ENHO: variants seen among roughly 807,000 people sequenced by gnomAD.
The protein encoded by ENHO is adropin.
A neutral mutation model predicts 4.1 loss-of-function variants in ENHO; 5 were observed. The observed-to-expected ratio is 1.23, with a 90% CI of 0.64 to 2.58. The LOEUF (loss-of-function observed/expected upper bound fraction) is 2.58, where lower values mean the gene tolerates loss of function less well. Ranked by LOEUF, ENHO falls within the 30% of genes most tolerant of loss-of-function variation. The pLI is 0.01. For synonymous variants in ENHO, 45 were observed against 42.9 expected, an observed-to-expected ratio of 1.05 and a Z score of -0.19; for missense variants, 86 against 97.7, an observed-to-expected ratio of 0.88 and a Z score of 0.51.
chr9:34,521,428 G>A lies in ENHO; in HGVS notation c.*37C>T, dbSNP rs755174552. On this transcript the variant is annotated 3_prime_UTR_variant, in exon 2 of 2. Transcript: ENST00000399775. ...CTAATTCCAGGCTCTAGGTGAGGTG[G>A]ACTTAGGTCCTGGGCTCCAGGCTAG... The A allele has an allele frequency of 6.4e-7, 1 of 1,568,502 alleles. No homozygotes were observed. The highest frequency in any genetic ancestry group is 8.7e-7 in the Non-Finnish European group (1 of 1,144,348).
chr9:34,522,017 C>A lies in ENHO; in HGVS notation c.-161-161G>T, dbSNP rs890560617. On this transcript the variant is annotated intron_variant, in intron 1 of 1. Coordinates refer to ENST00000399775, the MANE Select transcript of ENHO (RefSeq NM_198573.3). The surrounding 1 kb of genome is among the most constrained non-coding windows in gnomAD (Gnocchi z 4.2). ...GCTCGAATACCCCACAGAGCCATCA[C>A]CCCCATCCACAGGCTTGGTTCTGGC... 6.6e-6 allele frequency among the ~76,000 whole-genome samples: 1 copy of A among 152,186 alleles called. No homozygotes were observed. The highest frequency in any genetic ancestry group is 2.4e-5 in the African/African-American group (1 of 41,446).
chr9:34,522,637 C>T lies in ENHO; in HGVS notation c.-162+140G>A, dbSNP rs1197459269. 1 of 153,124 alleles carries T rather than the reference C, an allele frequency of 6.5e-6. No homozygotes were observed. Among genetic ancestry groups the T allele is most frequent in the Non-Finnish European group, 1.5e-5 (1 of 68,346 alleles). The allele number at this position is 153,124 out of a possible 1,614,324, so 9.5% of individuals were successfully genotyped here. On this transcript the variant is annotated intron_variant, in intron 1 of 1. Coordinates refer to ENST00000399775, the MANE Select transcript of ENHO (RefSeq NM_198573.3). This position sits in a 1 kb window ranked among gnomAD's most constrained non-coding sequence, Gnocchi z 4.2. ...CATGGACGTGTCCCTATCCCCTTCT[C>T]CGTGGGGTCTTTTCGGTGGTTCCTG...
In ENHO at chr9:34,521,609, G is replaced by A; in HGVS notation, c.87C>T (p.Ile29=). ...AGCGAGAATGGCAGGCCCAGCAGAG[G>A]ATGACCCAGAGCAGCAGCAGCAAGA... is the stretch of plus-strand genomic sequence containing the variant. ...VGFLLLLLWV[I]LCWACHSRSA... is the part of the protein sequence containing the mutation. The change falls in exon 2 of 2, where the codon ATC becomes ATT. Residue 29 remains isoleucine (I), a synonymous_variant. Coordinates refer to ENST00000399775, the MANE Select transcript of ENHO (RefSeq NM_198573.3). 1 of 1,614,008 alleles carries A rather than the reference G, an allele frequency of 6.2e-7. No individual in the cohort carries two copies. Among genetic ancestry groups the A allele is most frequent in the Non-Finnish European group, 8.5e-7 (1 of 1,180,028 alleles).
rs376637589 is a variant in ENHO, at chr9:34,521,791, G to A, written c.-96C>T. The A allele has an allele frequency of 4.3e-5, 48 of 1,110,598 alleles. No homozygotes were observed. In the Admixed American group the frequency reaches 7.7e-4, roughly 18 times the overall value. The allele number at this position is 1,110,598 out of a possible 1,614,324, so 68.8% of individuals were successfully genotyped here. A position where few individuals can be genotyped will look rare whatever the true frequency, so the allele number is the denominator to read the frequency against. ...ACTCTGGTATGGCCGGCCTTCAGAG[G>A]AGGCTGTGCTGTCTGCACGCTCAGT... On this transcript the variant is annotated 5_prime_UTR_variant, in exon 2 of 2. Transcript: ENST00000399775.
At position 34,521,052 on chromosome 9, in the gene ENHO, A is replaced by C; in HGVS notation, c.*413T>G. Reference sequence around the variant, plus strand: ...GAAGAAAACCTCAGGGTAGAGCCATAGTTCCATTTATTATCCAGCAAACAC... The same window carrying C: ...GAAGAAAACCTCAGGGTAGAGCCATCGTTCCATTTATTATCCAGCAAACAC... On this transcript the variant is annotated 3_prime_UTR_variant, in exon 2 of 2. Coordinates refer to ENST00000399775, the MANE Select transcript of ENHO (RefSeq NM_198573.3). The C allele has an allele frequency of 1.9e-6, 1 of 536,670 alleles. No individual in the cohort carries two copies. The highest frequency in any genetic ancestry group is 3.4e-6 in the Non-Finnish European group (1 of 297,636). The allele number at this position is 536,670 out of a possible 1,614,324, so 33.2% of individuals were successfully genotyped here. A position where few individuals can be genotyped will look rare whatever the true frequency, so the allele number is the denominator to read the frequency against.
In ENHO at chr9:34,521,796, T is replaced by C; in HGVS notation, c.-101A>G. 9.9e-7 allele frequency: 1 copy of C among 1,005,292 alleles called. No individual in the cohort carries two copies. Among genetic ancestry groups the C allele is most frequent in the Non-Finnish European group, 1.5e-6 (1 of 665,850 alleles). The allele number at this position is 1,005,292 out of a possible 1,614,324, so 62.3% of individuals were successfully genotyped here. ...GGTATGGCCGGCCTTCAGAGGAGGC[T>C]GTGCTGTCTGCACGCTCAGTGATTC... is the stretch of plus-strand genomic sequence containing the variant. On this transcript the variant is annotated 5_prime_UTR_variant, in exon 2 of 2. Transcript: ENST00000399775.
chr9:34,521,359 G>T lies in ENHO; in HGVS notation c.*106C>A, dbSNP rs566352810. On this transcript the variant is annotated 3_prime_UTR_variant, in exon 2 of 2. Coordinates refer to ENST00000399775, the MANE Select transcript of ENHO (RefSeq NM_198573.3). ...CCGCTGGGTCCAGCTCCAAGCAGGC[G>T]GACTCTTGAGTTCTGGACCCCAGGC... is the stretch of plus-strand genomic sequence containing the variant. 2.8e-5 allele frequency: 30 copies of T among 1,065,590 alleles called. No homozygotes were observed. In the African/African-American group the frequency reaches 3.6e-4, roughly 13 times the overall value. 66.0% of individuals were successfully genotyped at this position (1,065,590 alleles called of 1,614,324 possible).
chr9:34,521,440 G>T lies in ENHO; in HGVS notation c.*25C>A. ...TCTAGGTGAGGTGGACTTAGGTCCT[G>T]GGCTCCAGGCTAGGCCAGGGGCCTT... On this transcript the variant is annotated 3_prime_UTR_variant, in exon 2 of 2. Transcript: ENST00000399775. 1 of 1,592,892 alleles carries T rather than the reference G, an allele frequency of 6.3e-7. No homozygotes were observed.
At position 34,521,725 on chromosome 9, in the gene ENHO, C is replaced by A; in HGVS notation, c.-30G>T. 6.3e-7 allele frequency: 1 copy of A among 1,584,894 alleles called. No individual in the cohort carries two copies. Among genetic ancestry groups the A allele is most frequent in the East Asian group, 2.3e-5 (1 of 43,980 alleles). On this transcript the variant is annotated 5_prime_UTR_variant, in exon 2 of 2. Coordinates refer to ENST00000399775, the MANE Select transcript of ENHO (RefSeq NM_198573.3). Reference sequence around the variant, plus strand: ...GGCAGCACCCTCAGACCAGCACAGACAGTGGAGCTGCCTCAATGGTGAGGC... The same window carrying A: ...GGCAGCACCCTCAGACCAGCACAGAAAGTGGAGCTGCCTCAATGGTGAGGC...
Position 34,521,186 on chromosome 9 carries a change from A to C in ENHO, c.*279T>G. The stretch of plus-strand genomic sequence containing the variant: ...CTAGAGGTGCTCAGCCTAGGGAAAG[A>C]GTGGACCCGGCCCCTGACCCTTGGC... On this transcript the variant is annotated 3_prime_UTR_variant, in exon 2 of 2. Transcript: ENST00000399775. The C allele has an allele frequency of 1.8e-6, 1 of 567,198 alleles. No homozygotes were observed. The highest frequency in any genetic ancestry group is 3.2e-6 in the Non-Finnish European group (1 of 315,194). The allele number at this position is 567,198 out of a possible 1,614,324, so 35.1% of individuals were successfully genotyped here. A position where few individuals can be genotyped will look rare whatever the true frequency, so the allele number is the denominator to read the frequency against.
rs1190637909 is a variant in ENHO at position 34,521,416 on chromosome 9, C to G, written c.*49G>C. ...AACTCTGGGATCCTAATTCCAGGCT[C>G]TAGGTGAGGTGGACTTAGGTCCTGG... On this transcript the variant is annotated 3_prime_UTR_variant, in exon 2 of 2. Coordinates refer to ENST00000399775, the MANE Select transcript of ENHO (RefSeq NM_198573.3). The G allele has an allele frequency of 3.3e-6, 5 of 1,515,526 alleles. No individual in the cohort carries two copies. The highest frequency in any genetic ancestry group is 4.6e-6 in the Non-Finnish European group (5 of 1,098,094). The allele number at this position is 1,515,526 out of a possible 1,614,324, so 93.9% of individuals were successfully genotyped here. A position where few individuals can be genotyped will look rare whatever the true frequency, so the allele number is the denominator to read the frequency against.
Position 34,521,863 on chromosome 9 carries a change from G to C in ENHO, c.-161-7C>G, listed in dbSNP as rs1159127784. 1 of 640,666 alleles carries C rather than the reference G, an allele frequency of 1.6e-6. No individual in the cohort carries two copies. The highest frequency in any genetic ancestry group is 2.8e-5 in the Admixed American group (1 of 36,210). The allele number at this position is 640,666 out of a possible 1,614,324, so 39.7% of individuals were successfully genotyped here. On this transcript the variant is annotated splice_polypyrimidine_tract_variant and splice_region_variant and intron_variant, in intron 1 of 1. Transcript: ENST00000399775. ...TCTACCTGCAGTCCTGAGCCTGTTGGGGGTATACAGTAAAGGAGAGGGTGG... is the reference window on the plus strand; with the variant it reads ...TCTACCTGCAGTCCTGAGCCTGTTGCGGGTATACAGTAAAGGAGAGGGTGG...
rs1825285691 is a variant in ENHO, at chr9:34,521,799, G to A, written c.-104C>T. The A allele has an allele frequency of 1.0e-5, 10 of 981,306 alleles. No individual in the cohort carries two copies. Among genetic ancestry groups the A allele is most frequent in the South Asian group, 6.1e-5 (4 of 66,100 alleles). 60.8% of individuals were successfully genotyped at this position (981,306 alleles called of 1,614,324 possible). On this transcript the variant is annotated 5_prime_UTR_variant, in exon 2 of 2. Coordinates refer to ENST00000399775, the MANE Select transcript of ENHO (RefSeq NM_198573.3). ...ATGGCCGGCCTTCAGAGGAGGCTGT[G>A]CTGTCTGCACGCTCAGTGATTCCTG...
chr9:34,522,516 C>A lies in ENHO; in HGVS notation c.-162+261G>T, dbSNP rs1364054263. 1 of 152,906 alleles carries A rather than the reference C, an allele frequency of 6.5e-6. No homozygotes were observed. The highest frequency in any genetic ancestry group is 1.9e-4 in the East Asian group (1 of 5,202). 9.5% of individuals were successfully genotyped at this position (152,906 alleles called of 1,614,324 possible). ...GTGTCCCCATCTCTGAGTATGTCTC[C>A]TCTATGTCTCATTTCTCTACCAGTG... On this transcript the variant is annotated intron_variant, in intron 1 of 1. Coordinates refer to ENST00000399775, the MANE Select transcript of ENHO (RefSeq NM_198573.3). This position sits in a 1 kb window ranked among gnomAD's most constrained non-coding sequence, Gnocchi z 4.2.
In ENHO at chr9:34,522,981, C is replaced by T. The variant is rs999637932; in HGVS notation, c.-366G>A. 1 of 151,114 alleles carries T rather than the reference C, an allele frequency of 6.6e-6. No individual in the cohort carries two copies. The highest frequency in any genetic ancestry group is 2.4e-5 in the African/African-American group (1 of 41,282). The allele number at this position is 151,114 out of a possible 1,614,324, so 9.4% of individuals were successfully genotyped here. ...GGCGCGACCGGGGCGGCCTCTGCCG[C>T]GGGCGGTCTGCGGTGAGCGGGCACC... On this transcript the variant is annotated 5_prime_UTR_variant, in exon 1 of 2. Transcript: ENST00000399775. This position sits in a 1 kb window ranked among gnomAD's most constrained non-coding sequence, Gnocchi z 4.2.
At position 34,522,467 on chromosome 9, in the gene ENHO, C is replaced by G. The variant is rs553389611; in HGVS notation, c.-162+310G>C. On this transcript the variant is annotated intron_variant, in intron 1 of 1. Transcript: ENST00000399775. The surrounding 1 kb of genome is among the most constrained non-coding windows in gnomAD (Gnocchi z 4.2). Reference sequence around the variant, plus strand: ...TGCCTGTGCCTCTGCACACCCACCTCTGTGTGTGTGGCTGCCTCTCCGTGT... The same window carrying G: ...TGCCTGTGCCTCTGCACACCCACCTGTGTGTGTGTGGCTGCCTCTCCGTGT... 2.6e-5 allele frequency: 4 copies of G among 153,210 alleles called. No individual in the cohort carries two copies. The East Asian group carries it at 7.7e-4, about 29-fold the overall frequency. 9.5% of individuals were successfully genotyped at this position (153,210 alleles called of 1,614,324 possible).
rs1432620335 is a variant in ENHO at position 34,521,348 on chromosome 9, T to A, written c.*117A>T. 1 of 992,524 alleles carries A rather than the reference T, an allele frequency of 1.0e-6. No homozygotes were observed. 61.5% of individuals were successfully genotyped at this position (992,524 alleles called of 1,614,324 possible). On this transcript the variant is annotated 3_prime_UTR_variant, in exon 2 of 2. Transcript: ENST00000399775. ...TAGACTCTGGGCCGCTGGGTCCAGC[T>A]CCAAGCAGGCGGACTCTTGAGTTCT...
Position 34,521,724 on chromosome 9 carries a change from A to C in ENHO, c.-29T>G, listed in dbSNP as rs1825284682. On this transcript the variant is annotated 5_prime_UTR_variant, in exon 2 of 2. Coordinates refer to ENST00000399775, the MANE Select transcript of ENHO (RefSeq NM_198573.3). ...AGGCAGCACCCTCAGACCAGCACAG[A>C]CAGTGGAGCTGCCTCAATGGTGAGG... 1 of 1,585,708 alleles carries C rather than the reference A, an allele frequency of 6.3e-7. No homozygotes were observed.
At position 34,521,569 on chromosome 9, in the gene ENHO, A is replaced by T. The variant is rs543909933; in HGVS notation, c.127T>A (p.Ser43Thr). Residue 43 changes from serine to threonine, a missense_variant, in exon 2 of 2, where the codon TCT becomes ACT. Physicochemically the swap from Ser to Thr is moderately conservative, Grantham distance 58 (BLOSUM62 1). Coordinates refer to ENST00000399775, the MANE Select transcript of ENHO (RefSeq NM_198573.3). ...ACHSRSADVD[S>T]LSESSPNSSP... ...GAGTTGGGACTGGATTCAGAGAGAG[A>T]GTCAACGTCGGCAGAGCGAGAATGG... 1.7e-5 allele frequency: 27 copies of T among 1,613,994 alleles called. No individual in the cohort carries two copies. In the East Asian group the frequency reaches 4.0e-4, roughly 24 times the overall value.
Sources: gnomAD v4.1 joint callset for allele counts (sites outside exome capture counted in the v4.1 genomes callset) on GRCh38, gnomAD v4.1.1 for gene constraint, Gnocchi (gnomAD v3.1) non-coding constraint, MANE v1.5 for transcripts, NCBI Gene and HGNC (gene_info 2026-07-23, HGNC 2026-07-21) for gene names.